The following LRCH3 variants were observed in gnomAD, a reference collection of about 807,000 sequenced individuals.
LRCH3 encodes DISP complex protein LRCH3.
LRCH3 carries 68 observed loss-of-function variants against 104.5 expected under a neutral mutation model. The ratio of observed to expected loss-of-function variants is 0.65; its 90% CI spans 0.54 to 0.80. The LOEUF (loss-of-function observed/expected upper bound fraction) is 0.80, where lower values mean the gene tolerates loss of function less well. Ranked by LOEUF, LRCH3 falls within the 30% of genes least tolerant of loss-of-function variation. The probability of loss-of-function intolerance (pLI) is 0.00; values close to 1 mark genes in which losing one functional copy is unlikely to be tolerated. For synonymous variants in LRCH3, 344 were observed against 361.3 expected (o/e 0.95, Z 0.54); for missense variants, 951 against 953.9 (o/e 1.00, Z 0.04).
rs903684727 is a variant in LRCH3 at position 197,810,888 on chromosome 3, CTT to C, written c.263-4017_263-4016del. ...TAAAGTCAGGTTAAAAAAAATAAGA[CTT>C]TTGAATGAAAAGCATTAGAAAAACT... On this transcript the variant is annotated intron_variant, in intron 1 of 20. Transcript: ENST00000425562. The surrounding 1 kb of genome is among the most constrained non-coding windows in gnomAD (Gnocchi z 4.0). Among the ~76,000 whole-genome samples, 215 of 152,094 alleles carry C rather than the reference CTT, an allele frequency of 1.4e-3. 1 individual carries two copies. Among genetic ancestry groups the C allele is most frequent in the African/African-American group, 4.9e-3 (205 of 41,516 alleles).
At chr3:197,805,675 C>T (rs1326073630) in intron 1 of LRCH3, among the ~76,000 whole-genome samples, 2 of 150,462 alleles carry the variant, frequency 1.3e-5, no homozygotes, top group Non-Finnish European at 1.5e-5. Context: ...GGGGGACATG[C>T]CTCCAAATTG....
At chr3:197,834,947 C>T (rs956842483) in intron 8 of LRCH3, among the ~76,000 whole-genome samples, 5 of 152,032 alleles carry the variant, frequency 3.3e-5, no homozygotes, top group East Asian at 1.9e-4. Context: ...AGTTGGAGAC[C>T]AGCCTGGCCA....
At chr3:197,861,713 G>A (rs1435507712) in intron 15 of LRCH3, among the ~76,000 whole-genome samples, 1 of 151,766 alleles carries the variant, frequency 6.6e-6, no homozygotes, top group Non-Finnish European at 1.5e-5. Flanking sequence ...TAAAAGTTGA[G>A]TTTATATCAG....
chr3:197,820,295 C>T (rs1734336698), intron 3 of LRCH3, 30 bp from the exon 4 acceptor site: 1 of 1,467,362 alleles, frequency 6.8e-7, no homozygotes, highest in Non-Finnish European at 9.5e-7. Context: ...AATGTTAGGA[C>T]AATCTTTATT....
At chr3:197,842,464 ACT>A (rs1377309017) in intron 10 of LRCH3, among the ~76,000 whole-genome samples, 2 of 152,026 alleles carry the variant, frequency 1.3e-5, no homozygotes, top group African/African-American at 4.8e-5. Context: ...TAACAAAAAG[ACT>A]CTACCTCAGC....
rs199500700 is a variant in LRCH3, at chr3:197,852,652, T to G, written c.1590+32T>G. The G allele has an allele frequency of 5.0e-6, 8 of 1,591,782 alleles. No homozygotes were observed. In the African/African-American group the frequency reaches 9.4e-5, roughly 19 times the overall value. ...TGATGTAATCTCCTTTTCTTTGGAG[T>G]TGATTATTTTTGCAATGGAAATGAA... On this transcript the variant is annotated intron_variant, in intron 13 of 20. Transcript: ENST00000425562.
At chr3:197,881,278 T>C (rs929877159) in intron 20 of LRCH3, 36 of 992,348 alleles carry the variant, frequency 3.6e-5, no homozygotes, top group Non-Finnish European at 4.0e-5. Context: ...ATATAAGCAT[T>C]TGCGGTCTGG....
intron 20 of LRCH3, chr3:197,881,358 C>G (rs1435703813): frequency 1.0e-6 from 1 of 988,252 alleles, no homozygotes; most frequent in Non-Finnish European, 1.2e-6. Context: ...TGAAGATCAC[C>G]CACATTCCCT....
intron 7 of LRCH3, among the ~76,000 whole-genome samples, chr3:197,831,868 T>C (rs1735991206): frequency 6.6e-6 from 1 of 152,156 alleles, no homozygotes; most frequent in South Asian, 2.1e-4. Flanking sequence ...ATTCCCATCT[T>C]GGTCTCCCAA....
intron 15 of LRCH3, among the ~76,000 whole-genome samples, chr3:197,860,374 A>C (rs1740731012): frequency 1.3e-5 from 2 of 152,136 alleles, no homozygotes; most frequent in African/African-American, 4.8e-5. Flanking sequence ...TGCTGTTTGA[A>C]TATTTTTACT....
chr3:197,866,268 A>G (rs1741472551), intron 17 of LRCH3, 49 bp downstream of exon 17: 1 of 1,295,264 alleles, frequency 7.7e-7, no homozygotes, highest in South Asian at 1.2e-5. Context: ...GGTTTACACA[A>G]CGACGCTAGC....
intron 20 of LRCH3, chr3:197,882,884 A>G: frequency 2.0e-6 from 2 of 985,184 alleles, no homozygotes. Flanking sequence ...AATCCTTTAC[A>G]TTTTCAAATA....
chr3:197,832,685 CTTT>C (rs77343938), intron 8 of LRCH3, among the ~76,000 whole-genome samples: 1 of 129,810 alleles, frequency 7.7e-6, no homozygotes, highest in Non-Finnish European at 1.7e-5. Context: ...GAATTTAGTC[CTTT>C]TTTTTTTTTT....
intron 10 of LRCH3, among the ~76,000 whole-genome samples, chr3:197,844,561 AAC>A (rs1326882253): frequency 2.0e-5 from 3 of 151,068 alleles, no homozygotes; most frequent in Non-Finnish European, 4.4e-5. Context: ...TAGCCTTGAA[AAC>A]AGTGTTTGAA....
rs1421887329 is a variant in LRCH3 at position 197,856,440 on chromosome 3, A to T, written c.1644+1995A>T. Among the ~76,000 whole-genome samples, 4 of 151,796 alleles carry T rather than the reference A, an allele frequency of 2.6e-5. No homozygotes were observed. Among genetic ancestry groups the T allele is most frequent in the African/African-American group, 9.7e-5 (4 of 41,310 alleles). On this transcript the variant is annotated intron_variant, in intron 14 of 20. Coordinates refer to ENST00000425562, the MANE Select transcript of LRCH3 (RefSeq NM_001365715.1). The surrounding 1 kb of genome is among the most constrained non-coding windows in gnomAD (Gnocchi z 4.2). ...TATTTATTTATTTAATTATTTTGAG[A>T]CAGAGTCTCCCTCTGTTGCCGAGGC...
intron 1 of LRCH3, among the ~76,000 whole-genome samples, chr3:197,794,179 C>T (rs1384949478): frequency 1.3e-5 from 2 of 151,970 alleles, no homozygotes; most frequent in African/African-American, 2.4e-5. Flanking sequence ...CAGGTTATAG[C>T]TATCACCACT....
At chr3:197,805,395 G>A (rs1025742445) in intron 1 of LRCH3, among the ~76,000 whole-genome samples, 8 of 152,328 alleles carry the variant, frequency 5.3e-5, no homozygotes, top group African/African-American at 9.6e-5. Flanking sequence ...AGAGGGCTGG[G>A]ACTAAAACTG....
At chr3:197,874,249 T>C (rs1184073918) in intron 19 of LRCH3, among the ~76,000 whole-genome samples, 3 of 152,140 alleles carry the variant, frequency 2.0e-5, no homozygotes, top group African/African-American at 7.2e-5. Flanking sequence ...CATCTGTATT[T>C]ACAGCCACTC....
chr3:197,880,419 T>C (rs2109575601), intron 20 of LRCH3: 1 of 965,458 alleles, frequency 1.0e-6, no homozygotes, highest in Non-Finnish European at 1.6e-6. Context: ...TGAATATGAC[T>C]GAGATGATCA....
Sources: gnomAD v4.1 joint callset for allele counts (sites outside exome capture counted in the v4.1 genomes callset) on GRCh38, gnomAD v4.1.1 for gene constraint, Gnocchi (gnomAD v3.1) non-coding constraint, MANE v1.5 for transcripts, NCBI Gene and HGNC (gene_info 2026-07-23, HGNC 2026-07-21) for gene names.